Variants in PTPRG observed in about 807,000 individuals in gnomAD.
PTPRG encodes the protein protein tyrosine phosphatase receptor type G.
PTPRG carries 102 observed loss-of-function variants against 165.3 expected under a neutral mutation model. The observed-to-expected ratio is 0.62, with a 90% confidence interval of 0.53 to 0.73. The LOEUF (loss-of-function observed/expected upper bound fraction) is 0.73, where lower values mean the gene tolerates loss of function less well. PTPRG is among the 30% of genes least tolerant of loss of function. The pLI is 0.00. For synonymous variants in PTPRG, 675 were observed against 669.5 expected, an observed-to-expected ratio of 1.01 and a Z score of -0.13; for missense variants, 1,866 against 1,861.4, an observed-to-expected ratio of 1.00 and a Z score of -0.05.
At chr3:62,175,926 G>A (rs1705405908) in intron 8 of PTPRG, among the ~76,000 whole-genome samples, 1 of 152,212 alleles carries the variant, frequency 6.6e-6, no homozygotes, top group African/African-American at 2.4e-5. Context: ...AGATCAGAGA[G>A]AAGAGCTGGA....
chr3:61,624,520 G>T (rs983422871), intron 1 of PTPRG, among the ~76,000 whole-genome samples: 26 of 152,196 alleles, frequency 1.7e-4, no homozygotes, highest in African/African-American at 6.0e-4. Context: ...TTGGGACCAT[G>T]AGGGAAAGCC....
At chr3:61,947,656 G>A (rs2039794003) in intron 2 of PTPRG, among the ~76,000 whole-genome samples, 1 of 152,202 alleles carries the variant, frequency 6.6e-6, no homozygotes. Context: ...TTGGCTTCCT[G>A]CCTCTGCCTG....
intron 1 of PTPRG, among the ~76,000 whole-genome samples, chr3:61,748,438 C>T (rs1049713056): frequency 4.6e-5 from 7 of 152,210 alleles, no homozygotes; most frequent in African/African-American, 1.7e-4. Flanking sequence ...GGTCTTTACA[C>T]ACAGGTTGTA....
At chr3:62,106,057 A>G (rs183592777) in intron 5 of PTPRG, among the ~76,000 whole-genome samples, 28 of 152,320 alleles carry the variant, frequency 1.8e-4, no homozygotes, top group African/African-American at 6.3e-4. Context: ...ATCATCTAGA[A>G]ATGAAGTTCC....
chr3:61,843,691 C>T (rs573204743), intron 2 of PTPRG, among the ~76,000 whole-genome samples: 145 of 152,020 alleles, frequency 9.5e-4, no homozygotes, highest in Middle Eastern at 6.8e-3. Flanking sequence ...GGCAGGTTTC[C>T]AGTGACTAGA....
intron 5 of PTPRG, among the ~76,000 whole-genome samples, chr3:62,122,472 C>T (rs543179436): frequency 6.6e-6 from 1 of 152,180 alleles, no homozygotes. Context: ...TAAAACTACC[C>T]CCTCTTAAAA....
At chr3:62,189,207 C>A (rs867094278) in intron 8 of PTPRG, among the ~76,000 whole-genome samples, 1 of 152,120 alleles carries the variant, frequency 6.6e-6, no homozygotes, top group African/African-American at 2.4e-5. Flanking sequence ...CCCTCCCTTC[C>A]TTCCGTTTCT....
intron 4 of PTPRG, among the ~76,000 whole-genome samples, chr3:62,010,887 C>T (rs948661016): frequency 7.2e-5 from 11 of 152,106 alleles, no homozygotes; most frequent in African/African-American, 2.4e-4. Context: ...ACGATTTTTG[C>T]TCCTTTAGCT....
chr3:61,700,062 C>T (rs890980810), intron 1 of PTPRG, among the ~76,000 whole-genome samples: 1 of 152,044 alleles, frequency 6.6e-6, no homozygotes, highest in African/African-American at 2.4e-5. Flanking sequence ...GTGTGGTCCT[C>T]TTGGAATTGA....
intron 4 of PTPRG, among the ~76,000 whole-genome samples, chr3:62,068,369 A>T (rs536852250): frequency 2.6e-5 from 4 of 152,142 alleles, no homozygotes; most frequent in African/African-American, 9.7e-5. Context: ...TTGCTCCGTC[A>T]AGCAGGTAAG....
chr3:61,714,502 A>G (rs779486168), intron 1 of PTPRG, among the ~76,000 whole-genome samples: 3 of 152,182 alleles, frequency 2.0e-5, no homozygotes, highest in Admixed American at 6.5e-5. Flanking sequence ...GGAGAGCCAC[A>G]AGATAGAAGC....
At position 62,142,987 on chromosome 3, in the gene PTPRG, A is replaced by G. The variant is rs541561027; in HGVS notation, c.682+10319A>G. Among the ~76,000 whole-genome samples, 5 of 152,298 alleles carry G rather than the reference A, an allele frequency of 3.3e-5. No homozygotes were observed. The South Asian group carries it at 8.3e-4, about 25-fold the overall frequency. On this transcript the variant is annotated intron_variant, in intron 6 of 29. Transcript: ENST00000474889. ...AGGCGGGGCGACTTGCCCCAGCGTC[A>G]CATCATGAGAAGTGACCCAGCCCAG...
At chr3:61,796,842 T>C (rs2035060198) in intron 2 of PTPRG, among the ~76,000 whole-genome samples, 1 of 152,216 alleles carries the variant, frequency 6.6e-6, no homozygotes, top group African/African-American at 2.4e-5. Context: ...CTCTCTTTTC[T>C]GGCTTAACCC....
At chr3:62,246,388 C>G (rs1701290044) in intron 15 of PTPRG, among the ~76,000 whole-genome samples, 1 of 152,128 alleles carries the variant, frequency 6.6e-6, no homozygotes, top group African/African-American at 2.4e-5. Flanking sequence ...CTGAGAGTTA[C>G]CCTAAATGAC....
At chr3:61,999,455 G>A (rs996724703) in intron 3 of PTPRG, among the ~76,000 whole-genome samples, 2 of 152,102 alleles carry the variant, frequency 1.3e-5, no homozygotes, top group Non-Finnish European at 2.9e-5. Flanking sequence ...TGGGGGATTG[G>A]GGTTTCAATT....
At chr3:61,807,745 G>A (rs1004533377) in intron 2 of PTPRG, among the ~76,000 whole-genome samples, 1 of 151,420 alleles carries the variant, frequency 6.6e-6, no homozygotes. Flanking sequence ...TTATTGAATC[G>A]TATTGGGATG....
chr3:62,208,591 TC>T (rs2106855617), intron 12 of PTPRG, among the ~76,000 whole-genome samples: 1 of 152,176 alleles, frequency 6.6e-6, no homozygotes, highest in African/African-American at 2.4e-5. Context: ...GCAGGCCACT[TC>T]CATCCCCTGG....
chr3:62,264,520 A>G (rs1334823670), intron 17 of PTPRG, among the ~76,000 whole-genome samples: 1 of 152,074 alleles, frequency 6.6e-6, no homozygotes, highest in Non-Finnish European at 1.5e-5. Flanking sequence ...TATTCTGGAC[A>G]TTTCATATAA....
At chr3:62,135,465 A>G (rs562707583) in intron 6 of PTPRG, among the ~76,000 whole-genome samples, 130 of 152,164 alleles carry the variant, frequency 8.5e-4, no homozygotes, top group Non-Finnish European at 1.6e-4. Flanking sequence ...TTTCTGTTGC[A>G]GTTCAGAAAT....
Sources: gnomAD v4.1 joint callset for allele counts (sites outside exome capture counted in the v4.1 genomes callset) on GRCh38, gnomAD v4.1.1 for gene constraint, MANE v1.5 for transcripts, NCBI Gene and HGNC (gene_info 2026-07-23, HGNC 2026-07-21) for gene names.